The following DAAM2 variants were observed in gnomAD, a reference collection of about 807,000 sequenced individuals.
DAAM2 encodes dishevelled associated activator of morphogenesis 2, also known as disheveled-associated activator of morphogenesis 2.
Under a neutral mutation model 120.7 loss-of-function variants are expected in DAAM2, and 39 were observed. The ratio of observed to expected loss-of-function variants is 0.32; its 90% CI spans 0.25 to 0.42. DAAM2 has a LOEUF of 0.42. Among genes scored for constraint, DAAM2 ranks in the 10% least tolerant of loss-of-function variants. The pLI, the probability that DAAM2 is intolerant of heterozygous loss-of-function variation, is 1.00. For missense variants in DAAM2, 1,283 were observed against 1,401.7 expected, an observed-to-expected ratio of 0.92 and a Z score of 1.35; for synonymous variants, 488 against 524.9, an observed-to-expected ratio of 0.93 and a Z score of 0.96.
intron 1 of DAAM2, among the ~76,000 whole-genome samples, chr6:39,830,242 A>G (rs1008219718): frequency 1.3e-5 from 2 of 152,176 alleles, no homozygotes; most frequent in African/African-American, 2.4e-5. Context: ...GCCTGTGTCT[A>G]TCTATTTTCA....
chr6:39,842,661 C>A (rs147378125), intron 1 of DAAM2, among the ~76,000 whole-genome samples: 4 of 152,078 alleles, frequency 2.6e-5, no homozygotes, highest in Non-Finnish European at 4.4e-5. Flanking sequence ...AAAATAAAAT[C>A]AATGAATACA....
chr6:39,855,495 C>G (rs1409612202), intron 1 of DAAM2, among the ~76,000 whole-genome samples: 2 of 152,176 alleles, frequency 1.3e-5, no homozygotes, highest in Non-Finnish European at 2.9e-5. Context: ...AAAATCTGAG[C>G]AAATGTCAAA....
chr6:39,883,840 G>A, intron 14 of DAAM2, 122 bp from the exon 15 acceptor site: 1 of 672,456 alleles, frequency 1.5e-6, no homozygotes. Flanking sequence ...CCTTCTGAAG[G>A]TCTGAAATCC....
chr6:39,901,733 G>A lies in DAAM2; in HGVS notation c.2983-80G>A. The A allele has an allele frequency of 7.6e-7, 1 of 1,319,004 alleles. No individual in the cohort carries two copies. The highest frequency in any genetic ancestry group is 1.0e-6 in the Non-Finnish European group (1 of 987,488). The allele number at this position is 1,319,004 out of a possible 1,614,324, so 81.7% of individuals were successfully genotyped here. A position where few individuals can be genotyped will look rare whatever the true frequency, so the allele number is the denominator to read the frequency against. Reference sequence around the variant, plus strand: ...CAGGCAGCATGACCATGGCCTAGGAGTTAGCCCAGGGTTGGGGGGCTGCCC... The same window carrying A: ...CAGGCAGCATGACCATGGCCTAGGAATTAGCCCAGGGTTGGGGGGCTGCCC... On this transcript the variant is annotated intron_variant, in intron 24 of 24. Coordinates refer to ENST00000274867, the MANE Select transcript of DAAM2 (RefSeq NM_001201427.2). This position sits in a 1 kb window ranked among gnomAD's most constrained non-coding sequence, Gnocchi z 4.5.
At chr6:39,800,612 C>T (rs559918969) in intron 1 of DAAM2, among the ~76,000 whole-genome samples, 5 of 152,268 alleles carry the variant, frequency 3.3e-5, no homozygotes, top group South Asian at 2.1e-4. Flanking sequence ...GAGTGCTGGA[C>T]ATGGTTAGCC....
Position 39,825,557 on chromosome 6 carries a change from C to A in DAAM2, c.-56-30690C>A, listed in dbSNP as rs115541026. On this transcript the variant is annotated intron_variant, in intron 1 of 24. Coordinates refer to ENST00000274867, the MANE Select transcript of DAAM2 (RefSeq NM_001201427.2). ...GGGCACTTTCCTGAGCCTGGCTGTG[C>A]ATTCACTCACAGAATCACCCTGTCA... Among the ~76,000 whole-genome samples the A allele has an allele frequency of 5.4e-3, 817 of 152,144 alleles. 5 individuals are homozygous for A. The highest frequency in any genetic ancestry group is 0.018 in the African/African-American group (767 of 41,508).
At chr6:39,865,866 G>T (rs536992117) in intron 5 of DAAM2, among the ~76,000 whole-genome samples, 2 of 152,038 alleles carry the variant, frequency 1.3e-5, no homozygotes, top group South Asian at 4.1e-4. Flanking sequence ...TTACTATAAG[G>T]TATACTTTTG....
Position 39,865,015 on chromosome 6 carries a change from G to C in DAAM2, c.369G>C (p.Thr123=), listed in dbSNP as rs749360733. ...TGTACGCGTTTGATGAGGAGGAGACGGAGATGAGGAACCAAGTCGTGGAAG... is the reference window on the plus strand; with the variant it reads ...TGTACGCGTTTGATGAGGAGGAGACCGAGATGAGGAACCAAGTCGTGGAAG... ...QSLYAFDEEE[T]EMRNQVVEDL... is the part of the protein sequence containing the mutation. The change falls in exon 5 of 25, where the codon ACG becomes ACC. Residue 123 remains threonine (T), a synonymous_variant. Transcript: ENST00000274867. 4 of 1,607,826 alleles carry C rather than the reference G, an allele frequency of 2.5e-6. No homozygotes were observed. The highest frequency in any genetic ancestry group is 3.4e-6 in the Non-Finnish European group (4 of 1,177,444).
chr6:39,828,193 A>G lies in DAAM2; in HGVS notation c.-56-28054A>G, dbSNP rs182976673. Among the ~76,000 whole-genome samples the G allele has an allele frequency of 3.7e-4, 57 of 152,336 alleles. No homozygotes were observed. The East Asian group carries it at 0.01, about 28-fold the overall frequency. On this transcript the variant is annotated intron_variant, in intron 1 of 24. Coordinates refer to ENST00000274867, the MANE Select transcript of DAAM2 (RefSeq NM_001201427.2). The stretch of plus-strand genomic sequence containing the variant: ...AGTATGTCTTAGTCCATTTGTGCCA[A>G]TATTCCACACACTGGGTAATTTATA...
intron 1 of DAAM2, among the ~76,000 whole-genome samples, chr6:39,837,359 A>G (rs1763140132): frequency 6.6e-6 from 1 of 152,088 alleles, no homozygotes. Flanking sequence ...GAATATTAGG[A>G]GTGCATTTGG....
chr6:39,793,732 A>T (rs1205219148), intron 1 of DAAM2, among the ~76,000 whole-genome samples: 2 of 152,164 alleles, frequency 1.3e-5, no homozygotes, highest in African/African-American at 4.8e-5. Context: ...AGAGTAGGGG[A>T]AAAAAGCAGC....
intron 15 of DAAM2, 44 bp from the exon 16 acceptor site, chr6:39,887,442 A>G (rs1328619174): frequency 6.9e-7 from 1 of 1,445,328 alleles, no homozygotes; most frequent in Non-Finnish European, 9.6e-7. Context: ...GAGGAGGATT[A>G]GGGAACCCAC....
intron 22 of DAAM2, 183 bp from the exon 23 acceptor site, chr6:39,899,894 C>A: frequency 1.7e-6 from 1 of 590,756 alleles, no homozygotes; most frequent in Non-Finnish European, 2.8e-6. Flanking sequence ...AGAAAGATGG[C>A]AGGGTGGGCT....
chr6:39,796,560 A>G (rs550427152), intron 1 of DAAM2, among the ~76,000 whole-genome samples: 1 of 150,000 alleles, frequency 6.7e-6, no homozygotes, highest in African/African-American at 2.5e-5. Context: ...GCACTGGCCA[A>G]GACTTATCAG....
chr6:39,864,879 G>A, intron 4 of DAAM2, 101 bp from the exon 5 acceptor site: 1 of 1,434,746 alleles, frequency 7.0e-7, no homozygotes, highest in Non-Finnish European at 9.5e-7. Flanking sequence ...ATTCCCTGAG[G>A]CCTCACCCTT....
At chr6:39,798,199 A>G (rs143013604) in intron 1 of DAAM2, among the ~76,000 whole-genome samples, 45 of 152,388 alleles carry the variant, frequency 3.0e-4, no homozygotes, top group Non-Finnish European at 4.9e-4. Context: ...CTAGAATCAG[A>G]TAAACCTATG....
Position 39,898,890 on chromosome 6 carries a change from GAGA to G in DAAM2, c.2635_2637del (p.Lys879del), listed in dbSNP as rs1395731375. ...GTCTCCTTACAGCCTAGCAGAACTG[GAGA>G]AGGAGGTGGGCAACCTCAGGAGGGG... On this transcript the variant is annotated inframe_deletion, in exon 22 of 25. Coordinates refer to ENST00000274867, the MANE Select transcript of DAAM2 (RefSeq NM_001201427.2). The G allele has an allele frequency of 1.2e-6, 2 of 1,612,770 alleles. No homozygotes were observed. Among genetic ancestry groups the G allele is most frequent in the Non-Finnish European group, 1.7e-6 (2 of 1,179,470 alleles).
intron 1 of DAAM2, among the ~76,000 whole-genome samples, chr6:39,831,417 AAATTAATCCCCAC>A (rs1040908512): frequency 1.8e-4 from 27 of 152,062 alleles, no homozygotes; most frequent in Non-Finnish European, 3.1e-4. Context: ...CTGACTCACT[AAATTAATCCCCAC>A]AATTAATCCC....
chr6:39,792,766 ATGT>A (rs2113967603), intron 1 of DAAM2, among the ~76,000 whole-genome samples: 1 of 152,346 alleles, frequency 6.6e-6, no homozygotes, highest in South Asian at 2.1e-4. Context: ...CTTTTTAAAA[ATGT>A]TTTTTGCGGC....
Sources: gnomAD v4.1 joint callset for allele counts (sites outside exome capture counted in the v4.1 genomes callset) on GRCh38, gnomAD v4.1.1 for gene constraint, Gnocchi (gnomAD v3.1) non-coding constraint, MANE v1.5 for transcripts, NCBI Gene and HGNC (gene_info 2026-07-23, HGNC 2026-07-21) for gene names.